TNFAIP8: variants seen among roughly 807,000 people sequenced by gnomAD.
TNFAIP8 encodes the protein tumor necrosis factor alpha-induced protein 8.
TNFAIP8 carries 7 observed loss-of-function variants against 13.3 expected under a neutral mutation model. The observed-to-expected ratio is 0.52, with a 90% CI of 0.30 to 0.99. The LOEUF (loss-of-function observed/expected upper bound fraction) is 0.99. Among genes scored for constraint, TNFAIP8 ranks in the 50% least tolerant of loss-of-function variants. TNFAIP8 has a pLI of 0.07. For missense variants in TNFAIP8, 258 were observed against 236.9 expected (o/e 1.09, Z -0.58); for synonymous variants, 94 against 87.6 (o/e 1.07, Z -0.41).
rs35633858 is a variant in TNFAIP8 at position 119,350,952 on chromosome 5, T to TTGTGTGTGTGTGTG, written c.2-41850_2-41837dup. Among the ~76,000 whole-genome samples the TTGTGTGTGTGTGTG allele has an allele frequency of 1.5e-3, 214 of 144,792 alleles. 1 individual carries two copies. The highest frequency in any genetic ancestry group is 5.3e-3 in the African/African-American group (207 of 38,692). 95.0% of individuals were successfully genotyped at this position (144,792 alleles called of 152,430 possible). The stretch of plus-strand genomic sequence containing the variant: ...TACAATTTTTTAACTCTATGTGTAT[T>TTGTGTGTGTGTGTG]TGTGTGTGTGTGTGTGTGTGTGTGT... On this transcript the variant is annotated intron_variant, in intron 1 of 1. Transcript: ENST00000274456.
chr5:119,357,063 C>G (rs1417473618), intron 1 of TNFAIP8, among the ~76,000 whole-genome samples: 1 of 152,178 alleles, frequency 6.6e-6, no homozygotes, highest in Non-Finnish European at 1.5e-5. Flanking sequence ...CATCATTTCT[C>G]CATTTGGTAG....
At chr5:119,317,121 C>T (rs1470592932) in intron 1 of TNFAIP8, among the ~76,000 whole-genome samples, 2 of 152,148 alleles carry the variant, frequency 1.3e-5, no homozygotes, top group African/African-American at 2.4e-5. Context: ...TGCCTCTGCC[C>T]TTTGAGCCTC....
At position 119,393,011 on chromosome 5, in the gene TNFAIP8, T is replaced by A. The variant is rs750752039; in HGVS notation, c.227T>A (p.Ile76Asn). Residue 76 changes from isoleucine to asparagine, a missense_variant, in exon 2 of 2, where the codon ATC (isoleucine) becomes AAC (asparagine). By Grantham distance (149) the Ile-to-Asn change is moderately radical. Coordinates refer to ENST00000504771, the MANE Select transcript of TNFAIP8 (RefSeq NM_014350.4). ...KEAEKIIKNL[I>N]KTVIKLAILY... is the part of the protein sequence containing the mutation. ...GCAGAGAAGATCATCAAGAACCTCATCAAGACAGTCATCAAGCTGGCCATT... is the reference window on the plus strand; with the variant it reads ...GCAGAGAAGATCATCAAGAACCTCAACAAGACAGTCATCAAGCTGGCCATT... The A allele has an allele frequency of 6.2e-7, 1 of 1,613,302 alleles. No homozygotes were observed. The highest frequency in any genetic ancestry group is 8.5e-7 in the Non-Finnish European group (1 of 1,179,586).
intron 1 of TNFAIP8, among the ~76,000 whole-genome samples, chr5:119,314,695 G>T (rs1438539003): frequency 1.3e-5 from 2 of 152,218 alleles, no homozygotes; most frequent in Admixed American, 6.5e-5. Context: ...TTTGGAGCCA[G>T]AGAGAAATAG....
chr5:119,392,735 C>T, intron 1 of TNFAIP8, 81 bp from the exon 2 acceptor site: 2 of 1,418,598 alleles, frequency 1.4e-6, no homozygotes, highest in Non-Finnish European at 1.9e-6. Flanking sequence ...AAAAAGTGCT[C>T]CCAAATACCT....
In TNFAIP8 at chr5:119,399,485, A is replaced by G. The variant is rs1753147423; in HGVS notation, c.*6104A>G. The G allele has an allele frequency of 1.3e-5, 2 of 152,198 alleles. No homozygotes were observed. The highest frequency in any genetic ancestry group is 4.8e-5 in the African/African-American group (2 of 41,440). The allele number at this position is 152,198 out of a possible 1,614,324, so 9.4% of individuals were successfully genotyped here. A position where few individuals can be genotyped will look rare whatever the true frequency, so the allele number is the denominator to read the frequency against. On this transcript the variant is annotated 3_prime_UTR_variant, in exon 2 of 2. Transcript: ENST00000504771. ...TCACTATTTCCAAATCAGCGATGAA[A>G]AGAAGACTGAGTCTAAAATAAATGA... is the stretch of plus-strand genomic sequence containing the variant.
At chr5:119,381,544 A>G (rs1470902660) in intron 1 of TNFAIP8, among the ~76,000 whole-genome samples, 1 of 152,108 alleles carries the variant, frequency 6.6e-6, no homozygotes, top group Admixed American at 6.6e-5. Flanking sequence ...GTCTCAAAAA[A>G]TAAAAAATAA....
rs899548909 is a variant in TNFAIP8, at chr5:119,394,276, G to A, written c.*895G>A. ...AGATGAACTCATTGAAACAATTTAGGGGAATGAGGGGCAAAAGGGGAGAAA... is the reference window on the plus strand; with the variant it reads ...AGATGAACTCATTGAAACAATTTAGAGGAATGAGGGGCAAAAGGGGAGAAA... On this transcript the variant is annotated 3_prime_UTR_variant, in exon 2 of 2. Coordinates refer to ENST00000504771, the MANE Select transcript of TNFAIP8 (RefSeq NM_014350.4). 1 of 152,120 alleles carries A rather than the reference G, an allele frequency of 6.6e-6. No individual in the cohort carries two copies. Among genetic ancestry groups the A allele is most frequent in the African/African-American group, 2.4e-5 (1 of 41,398 alleles). The allele number at this position is 152,120 out of a possible 1,614,324, so 9.4% of individuals were successfully genotyped here. A position where few individuals can be genotyped will look rare whatever the true frequency, so the allele number is the denominator to read the frequency against.
rs1748512409 is a variant in TNFAIP8 at position 119,278,104 on chromosome 5, C to T, written c.1+9197C>T. Reference sequence around the variant, plus strand: ...CGGGATGTTTTAGACTGCAATTAAGCAAATGCCAATGAACAGTGATTTGAA... The same window carrying T: ...CGGGATGTTTTAGACTGCAATTAAGTAAATGCCAATGAACAGTGATTTGAA... On this transcript the variant is annotated intron_variant, in intron 1 of 1. Transcript: ENST00000274456. Among the ~76,000 whole-genome samples, 6 of 152,084 alleles carry T rather than the reference C, an allele frequency of 3.9e-5. No individual in the cohort carries two copies. In the South Asian group the frequency reaches 1.2e-3, roughly 32 times the overall value.
chr5:119,321,610 A>G (rs1167405001), intron 1 of TNFAIP8, among the ~76,000 whole-genome samples: 3 of 151,902 alleles, frequency 2.0e-5, no homozygotes, highest in Non-Finnish European at 4.4e-5. Context: ...TCCTCTGTTC[A>G]CTCATCACAC....
chr5:119,300,792 A>G (rs1468847014), intron 1 of TNFAIP8, among the ~76,000 whole-genome samples: 1 of 152,134 alleles, frequency 6.6e-6, no homozygotes, highest in Admixed American at 6.5e-5. Flanking sequence ...CATATTTTTC[A>G]TTAAAAGCCT....
chr5:119,346,045 A>G (rs2112741787), intron 1 of TNFAIP8, among the ~76,000 whole-genome samples: 1 of 152,302 alleles, frequency 6.6e-6, no homozygotes, highest in Admixed American at 6.5e-5. Flanking sequence ...AGAGCACCCA[A>G]ACACATGCTT....
intron 1 of TNFAIP8, among the ~76,000 whole-genome samples, chr5:119,303,835 T>G (rs530777901): frequency 2.0e-5 from 3 of 152,318 alleles, no homozygotes; most frequent in Admixed American, 6.5e-5. Context: ...ACAGCCACAC[T>G]TAGTTTCTAG....
chr5:119,363,045 C>A (rs940070620), intron 1 of TNFAIP8, among the ~76,000 whole-genome samples: 1 of 151,950 alleles, frequency 6.6e-6, no homozygotes, highest in Non-Finnish European at 1.5e-5. Context: ...ATGGATTTAG[C>A]TTCTGAGAAT....
intron 1 of TNFAIP8, among the ~76,000 whole-genome samples, chr5:119,272,325 C>G (rs778184470): frequency 6.6e-6 from 1 of 152,164 alleles, no homozygotes; most frequent in Non-Finnish European, 1.5e-5. Flanking sequence ...CTGCTATGTG[C>G]CTGGTACAGC....
chr5:119,317,702 G>T, intron 1 of TNFAIP8, among the ~76,000 whole-genome samples: 1 of 151,914 alleles, frequency 6.6e-6, no homozygotes, highest in Non-Finnish European at 1.5e-5. Context: ...AGGTTCAAAT[G>T]ATTCTCCTGC....
At chr5:119,332,442 G>A (rs1483532820) in intron 1 of TNFAIP8, among the ~76,000 whole-genome samples, 1 of 152,096 alleles carries the variant, frequency 6.6e-6, no homozygotes, top group East Asian at 1.9e-4. Flanking sequence ...TGGAGAGTTT[G>A]TCCATCACCT....
intron 1 of TNFAIP8, among the ~76,000 whole-genome samples, chr5:119,329,273 T>C (rs1750306616): frequency 6.6e-6 from 1 of 152,216 alleles, no homozygotes; most frequent in South Asian, 2.1e-4. Context: ...CTAACAACAT[T>C]TTTACACAAT....
intron 1 of TNFAIP8, among the ~76,000 whole-genome samples, chr5:119,312,661 G>T (rs1749767656): frequency 6.6e-6 from 1 of 150,780 alleles, no homozygotes; most frequent in African/African-American, 2.4e-5. Flanking sequence ...CACACTGGGA[G>T]GCCAAGGCAG....
Sources: allele counts gnomAD v4.1 joint callset (sites outside exome capture counted in the v4.1 genomes callset), GRCh38; gene constraint gnomAD v4.1.1; transcripts MANE v1.5; gene names NCBI Gene and HGNC (gene_info 2026-07-23, HGNC 2026-07-21).